The following CYS1 variants were observed in gnomAD, a reference collection of about 807,000 sequenced individuals.
The protein encoded by CYS1 is cystin-1.
In CYS1, 5 loss-of-function variants were observed where a neutral mutation model predicts 9.6. The observed-to-expected ratio is 0.52, with a 90% CI of 0.27 to 1.10. CYS1 has a LOEUF of 1.10. CYS1 is among the 50% of genes least tolerant of loss of function. The pLI is 0.11. For missense variants in CYS1, 221 were observed against 207.9 expected (o/e 1.06, Z -0.39); for synonymous variants, 88 against 95.7 (o/e 0.92, Z 0.47).
At chr2:10,069,389 C>T (rs372171695) in intron 1 of CYS1, among the ~76,000 whole-genome samples, 2 of 151,994 alleles carry the variant, frequency 1.3e-5, no homozygotes, top group East Asian at 1.9e-4. Flanking sequence ...TTGTTTTTTG[C>T]GACGGAATCT....
chr2:10,065,831 G>C, intron 2 of CYS1, 73 bp downstream of exon 2: 4 of 1,463,020 alleles, frequency 2.7e-6, no homozygotes, highest in Admixed American at 1.7e-5. Context: ...GGGACAGGAG[G>C]GCTCTGAGGC....
rs1291262687 is a variant in CYS1, at chr2:10,080,313, GGCT to G, written c.-93_-91del. On this transcript the variant is annotated 5_prime_UTR_variant, in exon 1 of 3. Coordinates refer to ENST00000381813, the MANE Select transcript of CYS1 (RefSeq NM_001037160.3). This position sits in a 1 kb window ranked among gnomAD's most constrained non-coding sequence, Gnocchi z 6.4. ...GACGCTAGGGGGTGCGGCCGGGGCG[GGCT>G]GCAGGGGGAGGCGCGGGGCGAGGTC... is the stretch of plus-strand genomic sequence containing the variant. 1.1e-5 allele frequency: 9 copies of G among 813,380 alleles called. No homozygotes were observed. The highest frequency in any genetic ancestry group is 1.3e-5 in the Non-Finnish European group (9 of 669,940). The allele number at this position is 813,380 out of a possible 1,614,324, so 50.4% of individuals were successfully genotyped here.
At chr2:10,062,583 A>G (rs1661642213) in intron 2 of CYS1, among the ~76,000 whole-genome samples, 1 of 152,078 alleles carries the variant, frequency 6.6e-6, no homozygotes, top group Non-Finnish European at 1.5e-5. Flanking sequence ...ATGTATTTTT[A>G]GTAGAGATGG....
chr2:10,058,837 G>A lies in CYS1; in HGVS notation c.*16C>T. On this transcript the variant is annotated 3_prime_UTR_variant, in exon 3 of 3. Coordinates refer to ENST00000381813, the MANE Select transcript of CYS1 (RefSeq NM_001037160.3). ...CAGGTGCCTCCGAGGCCTGGCGGGG[G>A]TGGAGCATGCTGTCCTCAGCGGCAG... 6 of 1,546,884 alleles carry A rather than the reference G, an allele frequency of 3.9e-6. No individual in the cohort carries two copies. The highest frequency in any genetic ancestry group is 4.4e-6 in the Non-Finnish European group (5 of 1,143,722).
rs1572452683 is a variant in CYS1, at chr2:10,059,010, C to T, written c.372-52G>A. 2.7e-6 allele frequency: 4 copies of T among 1,491,900 alleles called. No homozygotes were observed. The East Asian group carries it at 7.4e-5, about 27-fold the overall frequency. 92.4% of individuals were successfully genotyped at this position (1,491,900 alleles called of 1,614,324 possible). On this transcript the variant is annotated intron_variant, in intron 2 of 2. Transcript: ENST00000381813. ...GTCAGGAGGCAGGATGGTGCGTTCA[C>T]ACTCATTTCCCCTGGCCACCACAAT... is the stretch of plus-strand genomic sequence containing the variant.
rs1252914985 is a variant in CYS1 at position 10,080,031 on chromosome 2, CG to C, written c.192del (p.Asp65ThrfsTer84). 6.6e-6 allele frequency: 7 copies of C among 1,063,194 alleles called. No individual in the cohort carries two copies. Among genetic ancestry groups the C allele is most frequent in the East Asian group, 1.3e-4 (2 of 14,918 alleles). The allele number at this position is 1,063,194 out of a possible 1,614,324, so 65.9% of individuals were successfully genotyped here. On this transcript the variant is annotated frameshift_variant, in exon 1 of 3. Coordinates refer to ENST00000381813, the MANE Select transcript of CYS1 (RefSeq NM_001037160.3). LOFTEE classifies it high-confidence loss of function. This position sits in a 1 kb window ranked among gnomAD's most constrained non-coding sequence, Gnocchi z 6.4. The part of the protein sequence containing the change: ...PGRDPSPVAP[P>X]DGRDETLRLL... Reference sequence around the variant, plus strand: ...AGGCGCAGCGTCTCGTCCCTGCCGTCGGGGGGCGCCACGGGGCTGGGGTCGC... The same window carrying C: ...AGGCGCAGCGTCTCGTCCCTGCCGTCGGGGGCGCCACGGGGCTGGGGTCGC...
In CYS1 at chr2:10,080,084, C is replaced by A. The variant is rs1661920230; in HGVS notation, c.140G>T (p.Gly47Val). 3 of 1,030,798 alleles carry A rather than the reference C, an allele frequency of 2.9e-6. No individual in the cohort carries two copies. The allele number at this position is 1,030,798 out of a possible 1,614,324, so 63.9% of individuals were successfully genotyped here. The change falls in exon 1 of 3, where the codon GGG (glycine) becomes GTG (valine). Residue 47 changes from glycine (G) to valine (V), a missense_variant. Transcript: ENST00000381813. The surrounding 1 kb of genome is among the most constrained non-coding windows in gnomAD (Gnocchi z 6.4). The stretch of plus-strand genomic sequence containing the variant: ...GCCGGGCGCCTCCTCCGCGGCTGCC[C>A]CCGGGACCTCGGCCGCCGCCACCGG... ...RVPVAAAEVP[G>V]AAAEEAPGRD...
intron 2 of CYS1, among the ~76,000 whole-genome samples, chr2:10,059,316 C>T (rs1049090008): frequency 4.6e-5 from 7 of 152,228 alleles, no homozygotes; most frequent in African/African-American, 1.2e-4. Context: ...TTCTCAAGCA[C>T]GTAACTTTAT....
At chr2:10,073,980 G>A (rs1462125050) in intron 1 of CYS1, among the ~76,000 whole-genome samples, 1 of 152,132 alleles carries the variant, frequency 6.6e-6, no homozygotes, top group African/African-American at 2.4e-5. Flanking sequence ...CTCCTCCCCC[G>A]GGTCGAGGCA....
At position 10,057,766 on chromosome 2, in the gene CYS1, C is replaced by G. The variant is rs1661571056; in HGVS notation, c.*1087G>C. 1 of 152,680 alleles carries G rather than the reference C, an allele frequency of 6.5e-6. No homozygotes were observed. The highest frequency in any genetic ancestry group is 2.1e-4 in the South Asian group (1 of 4,842). 9.5% of individuals were successfully genotyped at this position (152,680 alleles called of 1,614,324 possible). A position where few individuals can be genotyped will look rare whatever the true frequency, so the allele number is the denominator to read the frequency against. Reference sequence around the variant, plus strand: ...ACAGCTCTCCCCCGGAGCTGTCCCCCAGCAGGCCACACCTGGGCCCAGGCT... The same window carrying G: ...ACAGCTCTCCCCCGGAGCTGTCCCCGAGCAGGCCACACCTGGGCCCAGGCT... On this transcript the variant is annotated 3_prime_UTR_variant, in exon 3 of 3. Transcript: ENST00000381813.
rs1661651785 is a variant in CYS1, at chr2:10,063,238, GAA to G, written c.371+2664_371+2665del. Among the ~76,000 whole-genome samples the G allele has an allele frequency of 6.6e-6, 1 of 152,200 alleles. No individual in the cohort carries two copies. The highest frequency in any genetic ancestry group is 2.4e-5 in the African/African-American group (1 of 41,450). The stretch of plus-strand genomic sequence containing the variant: ...TTCCTTCTGTGATGAGGCCTGGAGA[GAA>G]GAGAGGGGACAGGGCAGGACCACAT... On this transcript the variant is annotated intron_variant, in intron 2 of 2. Transcript: ENST00000381813. This position sits in a 1 kb window ranked among gnomAD's most constrained non-coding sequence, Gnocchi z 4.2.
rs917401133 is a variant in CYS1, at chr2:10,076,617, T to C, written c.318+3289A>G. 2.0e-5 allele frequency among the ~76,000 whole-genome samples: 3 copies of C among 152,190 alleles called. No individual in the cohort carries two copies. The highest frequency in any genetic ancestry group is 4.8e-5 in the African/African-American group (2 of 41,436). On this transcript the variant is annotated intron_variant, in intron 1 of 2. Coordinates refer to ENST00000381813, the MANE Select transcript of CYS1 (RefSeq NM_001037160.3). The surrounding 1 kb of genome is among the most constrained non-coding windows in gnomAD (Gnocchi z 4.3). ...CCTCCGTCCTAAGCACCTTCCTCCC[T>C]TGGCTTCCGGATGTTCTCTTGGTTT...
At chr2:10,071,571 T>C (rs1415718599) in intron 1 of CYS1, among the ~76,000 whole-genome samples, 1 of 152,268 alleles carries the variant, frequency 6.6e-6, no homozygotes, top group Non-Finnish European at 1.5e-5. Flanking sequence ...ACCTGTGTTT[T>C]TCTCTGTGCC....
chr2:10,075,690 C>T (rs1033335490), intron 1 of CYS1, among the ~76,000 whole-genome samples: 4 of 152,158 alleles, frequency 2.6e-5, no homozygotes, highest in Admixed American at 1.3e-4. Flanking sequence ...AAGAATTATC[C>T]GGATGCTCCA....
At chr2:10,077,339 G>A (rs967578192) in intron 1 of CYS1, among the ~76,000 whole-genome samples, 3 of 152,184 alleles carry the variant, frequency 2.0e-5, no homozygotes, top group Admixed American at 1.3e-4. Context: ...TGATGATTCA[G>A]GGATAAACAG....
intron 2 of CYS1, among the ~76,000 whole-genome samples, chr2:10,060,221 G>C (rs1336957341): frequency 1.3e-5 from 2 of 152,220 alleles, no homozygotes; most frequent in African/African-American, 2.4e-5. Context: ...AGGGACTCTG[G>C]GCAATGGGAA....
In CYS1 at chr2:10,063,901, G is replaced by A. The variant is rs1257173141; in HGVS notation, c.371+2003C>T. 6.6e-6 allele frequency among the ~76,000 whole-genome samples: 1 copy of A among 152,244 alleles called. No individual in the cohort carries two copies. The highest frequency in any genetic ancestry group is 1.5e-5 in the Non-Finnish European group (1 of 68,038). On this transcript the variant is annotated intron_variant, in intron 2 of 2. Coordinates refer to ENST00000381813, the MANE Select transcript of CYS1 (RefSeq NM_001037160.3). This position sits in a 1 kb window ranked among gnomAD's most constrained non-coding sequence, Gnocchi z 4.2. ...CCTGGGCACTCCTACGCCTAGGGCA[G>A]CACTCAGGGAGGCTCCCATTAAAGT... is the stretch of plus-strand genomic sequence containing the variant.
At chr2:10,065,110 T>C (rs992784745) in intron 2 of CYS1, among the ~76,000 whole-genome samples, 1 of 152,122 alleles carries the variant, frequency 6.6e-6, no homozygotes, top group Non-Finnish European at 1.5e-5. Flanking sequence ...CCCGAGACCA[T>C]GCCCCTCCCG....
chr2:10,068,218 C>T (rs1047275700), intron 1 of CYS1, among the ~76,000 whole-genome samples: 3 of 152,168 alleles, frequency 2.0e-5, no homozygotes, highest in African/African-American at 7.2e-5. Flanking sequence ...TTTCTATAGT[C>T]CTTGTCCTTT....
Sources: gnomAD v4.1 joint callset for allele counts (sites outside exome capture counted in the v4.1 genomes callset) on GRCh38, gnomAD v4.1.1 for gene constraint, Gnocchi (gnomAD v3.1) non-coding constraint, MANE v1.5 for transcripts, NCBI Gene and HGNC (gene_info 2026-07-23, HGNC 2026-07-21) for gene names.